AGXT2: variants seen among roughly 807,000 people sequenced by gnomAD.
AGXT2 encodes the protein alanine--glyoxylate aminotransferase 2, mitochondrial.
AGXT2 carries 61 observed loss-of-function variants against 62.5 expected under a neutral mutation model. The ratio of observed to expected loss-of-function variants is 0.98; its 90% confidence interval spans 0.79 to 1.21. AGXT2 has a LOEUF of 1.21. Among genes scored for constraint, AGXT2 ranks in the 50% most tolerant of loss-of-function variants. AGXT2 has a pLI of 0.00. For synonymous variants in AGXT2, 243 were observed against 218.7 expected, an observed-to-expected ratio of 1.11 and a Z score of -0.98; for missense variants, 666 against 641.5, an observed-to-expected ratio of 1.04 and a Z score of -0.41.
chr5:35,011,100 A>T (rs1766622908), intron 11 of AGXT2, among the ~76,000 whole-genome samples: 1 of 152,200 alleles, frequency 6.6e-6, no homozygotes, highest in Admixed American at 6.5e-5. Context: ...AAACCTTGTT[A>T]TTTTTATAGA....
chr5:35,043,459 A>G (rs1768063382), intron 1 of AGXT2, among the ~76,000 whole-genome samples: 1 of 152,232 alleles, frequency 6.6e-6, no homozygotes, highest in African/African-American at 2.4e-5. Flanking sequence ...CTCAGCTGCA[A>G]TAATTTTAAA....
At chr5:35,020,172 G>A (rs1357910234) in intron 9 of AGXT2, among the ~76,000 whole-genome samples, 2 of 152,132 alleles carry the variant, frequency 1.3e-5, no homozygotes, top group African/African-American at 4.8e-5. Flanking sequence ...CATTCCTTCT[G>A]AAACTATTCC....
chr5:35,028,619 GAAA>G (rs1459948649), intron 7 of AGXT2, among the ~76,000 whole-genome samples: 4,604 of 31,822 alleles, frequency 0.14, 1,147 homozygotes, highest in Non-Finnish European at 0.19. Flanking sequence ...GAGAGAGAGA[GAAA>G]TTCTTCTACT....
Position 35,025,812 on chromosome 5 carries a change from T to G in AGXT2, c.914A>C (p.Glu305Ala). The G allele has an allele frequency of 6.2e-7, 1 of 1,614,150 alleles. No individual in the cohort carries two copies. Among genetic ancestry groups the G allele is most frequent in the Non-Finnish European group, 8.5e-7 (1 of 1,180,014 alleles). ...CCTTGCTCGCACCAGCTCAAAGGCT[T>G]CCTTTAGAAACCCCTTTGGGTACTG... ...VVQYPKGFLK[E>A]AFELVRARGG... is the part of the protein sequence containing the mutation. Residue 305 changes from glutamate (E) to alanine (A), a missense_variant, in exon 9 of 14, where the codon GAA (glutamate) becomes GCA (alanine). Glu to Ala is a moderately radical substitution (Grantham distance 107). Coordinates refer to ENST00000231420, the MANE Select transcript of AGXT2 (RefSeq NM_031900.4).
chr5:35,004,394 TC>T (rs1326331376), intron 12 of AGXT2, among the ~76,000 whole-genome samples: 1 of 151,998 alleles, frequency 6.6e-6, no homozygotes, highest in Non-Finnish European at 1.5e-5. Flanking sequence ...TTGCTCTTTC[TC>T]CCCCAAGACT....
intron 12 of AGXT2, among the ~76,000 whole-genome samples, chr5:35,006,890 A>G (rs967527038): frequency 6.6e-6 from 1 of 152,212 alleles, no homozygotes; most frequent in Non-Finnish European, 1.5e-5. Context: ...TGAGAAACAC[A>G]AAGCACTTAC....
intron 9 of AGXT2, among the ~76,000 whole-genome samples, chr5:35,018,510 A>G (rs372372020): frequency 1.8e-4 from 27 of 152,316 alleles, no homozygotes; most frequent in East Asian, 7.7e-4. Flanking sequence ...ATACTTTACA[A>G]ACAAGCAAAT....
At chr5:35,028,228 A>G (rs1164463759) in intron 7 of AGXT2, among the ~76,000 whole-genome samples, 1 of 152,042 alleles carries the variant, frequency 6.6e-6, no homozygotes, top group Non-Finnish European at 1.5e-5. Context: ...CTTTGAAGGG[A>G]ATGCATTTCA....
At chr5:35,028,030 G>T (rs764545766) in intron 7 of AGXT2, among the ~76,000 whole-genome samples, 11 of 151,584 alleles carry the variant, frequency 7.3e-5, no homozygotes, top group Non-Finnish European at 1.5e-4. Context: ...GCAGGGGAGG[G>T]TTTCCTATAA....
At chr5:35,018,082 C>A (rs1159215540) in intron 9 of AGXT2, among the ~76,000 whole-genome samples, 1 of 152,062 alleles carries the variant, frequency 6.6e-6, no homozygotes, top group Non-Finnish European at 1.5e-5. Flanking sequence ...GTGAAAAGAC[C>A]AAATCTACGT....
At chr5:35,020,085 C>T (rs1379408393) in intron 9 of AGXT2, among the ~76,000 whole-genome samples, 4 of 152,192 alleles carry the variant, frequency 2.6e-5, no homozygotes, top group Non-Finnish European at 4.4e-5. Context: ...TAATCAATAG[C>T]TTACCAACCA....
intron 3 of AGXT2, among the ~76,000 whole-genome samples, chr5:35,038,591 G>A (rs371896888): frequency 5.9e-5 from 9 of 152,218 alleles, no homozygotes; most frequent in Non-Finnish European, 1.0e-4. Flanking sequence ...GCTGCCTGAG[G>A]GGGGGGACTC....
Position 35,014,125 on chromosome 5 carries a change from A to G in AGXT2, c.964-6T>C, listed in dbSNP as rs1297273808. ...CTTCCAAATCCTGTCTGCACCTGGG[A>G]AAACAAGTTCAAAACCATTGGAAAC... On this transcript the variant is annotated splice_polypyrimidine_tract_variant and splice_region_variant and intron_variant, in intron 9 of 13. Coordinates refer to ENST00000231420, the MANE Select transcript of AGXT2 (RefSeq NM_031900.4). 5.6e-6 allele frequency: 9 copies of G among 1,613,912 alleles called. No homozygotes were observed. The highest frequency in any genetic ancestry group is 2.7e-5 in the African/African-American group (2 of 74,888).
chr5:35,013,183 A>G, intron 10 of AGXT2, 138 bp from the exon 11 acceptor site: 1 of 793,272 alleles, frequency 1.3e-6, no homozygotes, highest in Non-Finnish European at 2.2e-6. Context: ...CTGATAGTAG[A>G]TGTTAGGGAC....
chr5:34,999,499 T>C (rs1206223399), intron 13 of AGXT2, among the ~76,000 whole-genome samples: 1 of 152,114 alleles, frequency 6.6e-6, no homozygotes, highest in East Asian at 1.9e-4. Flanking sequence ...TAATGAAATA[T>C]TTTATTGAAT....
chr5:35,001,060 A>G (rs1766211601), intron 13 of AGXT2, among the ~76,000 whole-genome samples: 1 of 152,256 alleles, frequency 6.6e-6, no homozygotes. Flanking sequence ...TGTTCTGAGC[A>G]CATTTAAGGT....
At chr5:35,036,698 C>G (rs952674305) in intron 4 of AGXT2, among the ~76,000 whole-genome samples, 4 of 152,182 alleles carry the variant, frequency 2.6e-5, no homozygotes, top group African/African-American at 9.6e-5. Flanking sequence ...AGAGGTGACA[C>G]AAGGGAACAT....
rs1449622225 is a variant in AGXT2, at chr5:35,020,622, G to A, written c.963+5141C>T. 4.6e-5 allele frequency among the ~76,000 whole-genome samples: 7 copies of A among 152,248 alleles called. No individual in the cohort carries two copies. In the East Asian group the frequency reaches 1.4e-3, roughly 29 times the overall value. On this transcript the variant is annotated intron_variant, in intron 9 of 13. Coordinates refer to ENST00000231420, the MANE Select transcript of AGXT2 (RefSeq NM_031900.4). Reference sequence around the variant, plus strand: ...ACAAACCCACAGCCAATATCATACTGAATGGGCAAAAACTGGAAGCATTCC... The same window carrying A: ...ACAAACCCACAGCCAATATCATACTAAATGGGCAAAAACTGGAAGCATTCC...
At chr5:35,001,289 C>T (rs1463542917) in intron 13 of AGXT2, among the ~76,000 whole-genome samples, 1 of 152,170 alleles carries the variant, frequency 6.6e-6, no homozygotes, top group Non-Finnish European at 1.5e-5. Context: ...GCTTCTTCCT[C>T]GACTCTCTCT....
Sources: gnomAD v4.1 joint callset for allele counts (sites outside exome capture counted in the v4.1 genomes callset) on GRCh38, gnomAD v4.1.1 for gene constraint, MANE v1.5 for transcripts, NCBI Gene and HGNC (gene_info 2026-07-23, HGNC 2026-07-21) for gene names.